TTC39B: variants seen among roughly 807,000 people sequenced by gnomAD.
The protein encoded by TTC39B is tetratricopeptide repeat protein 39B.
A neutral mutation model predicts 96.6 loss-of-function variants in TTC39B; 92 were observed. The ratio of observed to expected loss-of-function variants is 0.95; its 90% CI spans 0.80 to 1.13. The LOEUF (loss-of-function observed/expected upper bound fraction) is 1.13. Ranked by LOEUF, TTC39B falls within the 50% of genes most tolerant of loss-of-function variation. The pLI is 0.00. For synonymous variants in TTC39B, 367 were observed against 299.4 expected (o/e 1.23, Z -2.33); for missense variants, 955 against 809.3 (o/e 1.18, Z -2.18).
chr9:15,167,024 ATATATTTTTTTTTTT>A (rs1817541238), exon 20 of TTC39B: 11 of 11,628 alleles, frequency 9.5e-4, no homozygotes, highest in Non-Finnish European at 1.4e-3. Context: ...ATATATATAT[ATATATTTTTTTTTTT>A]TTTTTTTTTT....
chr9:15,168,448 T>G (rs951952914), exon 20 of TTC39B: 1 of 141,968 alleles, frequency 7.0e-6, no homozygotes, highest in Non-Finnish European at 1.5e-5. Flanking sequence ...TGGAGGGAAA[T>G]GAATGAAGCA....
At chr9:15,260,898 C>T (rs1241384422) in intron 2 of TTC39B, among the ~76,000 whole-genome samples, 1 of 152,138 alleles carries the variant, frequency 6.6e-6, no homozygotes, top group Non-Finnish European at 1.5e-5. Flanking sequence ...ACATACATCC[C>T]CACTGTATTC....
chr9:15,181,882 A>G (rs1818266982), intron 17 of TTC39B, among the ~76,000 whole-genome samples: 1 of 152,154 alleles, frequency 6.6e-6, no homozygotes, highest in Non-Finnish European at 1.5e-5. Flanking sequence ...AATGGTTTTT[A>G]GGATATTCAC....
rs552051612 is a variant in TTC39B at position 15,211,496 on chromosome 9, T to C, written c.483-99A>G. 4 of 1,086,326 alleles carry C rather than the reference T, an allele frequency of 3.7e-6. No homozygotes were observed. The South Asian group carries it at 1.3e-4, about 35-fold the overall frequency. 67.3% of individuals were successfully genotyped at this position (1,086,326 alleles called of 1,614,324 possible). A position where few individuals can be genotyped will look rare whatever the true frequency, so the allele number is the denominator to read the frequency against. ...ATGTCCTGACTTGCACAGTAACCTT[T>C]ATTCCTTCACCATAATCACTGAAAT... On this transcript the variant is annotated intron_variant, in intron 4 of 19. Coordinates refer to ENST00000512701, the Ensembl canonical transcript of TTC39B.
Position 15,175,149 on chromosome 9 carries a change from G to A in TTC39B, c.1842-14C>T. ...AGTAGCTTTTCACTGAAAGAGCAGAGGAAAATCAAGTAAATCTTAACAGAA... is the reference window on the plus strand; with the variant it reads ...AGTAGCTTTTCACTGAAAGAGCAGAAGAAAATCAAGTAAATCTTAACAGAA... On this transcript the variant is annotated splice_polypyrimidine_tract_variant and intron_variant, in intron 18 of 19. Coordinates refer to ENST00000512701, the Ensembl canonical transcript of TTC39B. 1.3e-6 allele frequency: 2 copies of A among 1,529,208 alleles called. No homozygotes were observed. Among genetic ancestry groups the A allele is most frequent in the Non-Finnish European group, 1.8e-6 (2 of 1,105,210 alleles). The allele number at this position is 1,529,208 out of a possible 1,614,324, so 94.7% of individuals were successfully genotyped here.
chr9:15,221,466 T>C (rs1033824774), intron 3 of TTC39B, among the ~76,000 whole-genome samples: 17 of 152,224 alleles, frequency 1.1e-4, no homozygotes, highest in Non-Finnish European at 2.4e-4. Context: ...ACAAGCCCTG[T>C]CCTTTTTTTC....
intron 8 of TTC39B, among the ~76,000 whole-genome samples, chr9:15,193,520 A>G (rs1818977676): frequency 6.6e-6 from 1 of 152,208 alleles, no homozygotes; most frequent in South Asian, 2.1e-4. Context: ...GAATCTAGCA[A>G]GCCTATAGAC....
chr9:15,264,882 T>G (rs1422358742), intron 2 of TTC39B, among the ~76,000 whole-genome samples: 1 of 152,108 alleles, frequency 6.6e-6, no homozygotes, highest in Non-Finnish European at 1.5e-5. Flanking sequence ...TTTTGGATGA[T>G]GTTCTGAGAA....
At chr9:15,297,394 G>C (rs1824420034) in intron 1 of TTC39B, among the ~76,000 whole-genome samples, 1 of 152,196 alleles carries the variant, frequency 6.6e-6, no homozygotes, top group South Asian at 2.1e-4. Context: ...CTTGCTCTAA[G>C]TCACACAGCT....
chr9:15,206,250 C>T (rs1291701298), intron 6 of TTC39B, among the ~76,000 whole-genome samples: 2 of 151,870 alleles, frequency 1.3e-5, no homozygotes, highest in African/African-American at 4.9e-5. Context: ...CCGCCAGCCA[C>T]AAGAGAAAAG....
chr9:15,230,056 T>A (rs954541457), intron 2 of TTC39B, among the ~76,000 whole-genome samples: 16 of 152,244 alleles, frequency 1.1e-4, no homozygotes, highest in African/African-American at 3.9e-4. Flanking sequence ...AGGCTTTTAA[T>A]ATCTGAACAC....
At chr9:15,185,499 C>CCAGCAGCAG (rs549431562) in intron 15 of TTC39B, 93 bp from the exon 16 acceptor site, 2 of 1,555,070 alleles carry the variant, frequency 1.3e-6, no homozygotes, top group South Asian at 1.2e-5. Flanking sequence ...TCACAGACCA[C>CCAGCAGCAG]CAGCAGCAGC....
chr9:15,267,790 C>G, intron 2 of TTC39B, 124 bp downstream of exon 2: 1 of 749,840 alleles, frequency 1.3e-6, no homozygotes, highest in Non-Finnish European at 2.1e-6. Flanking sequence ...AGAAAAGTGA[C>G]TTTTTTTTTC....
intron 5 of TTC39B, 152 bp downstream of exon 5, chr9:15,211,114 A>G: frequency 2.3e-6 from 2 of 852,800 alleles, no homozygotes; most frequent in Non-Finnish European, 3.3e-6. Context: ...TAGATGCCAA[A>G]TGGGAATCCT....
At chr9:15,201,959 A>G (rs1819567542) in intron 7 of TTC39B, among the ~76,000 whole-genome samples, 1 of 152,202 alleles carries the variant, frequency 6.6e-6, no homozygotes, top group Admixed American at 6.5e-5. Context: ...AATGAGCTGA[A>G]GGTAAAAGAA....
intron 4 of TTC39B, among the ~76,000 whole-genome samples, 173 bp from the exon 5 acceptor site, chr9:15,211,570 T>C (rs78975379): frequency 0.062 from 9,407 of 152,252 alleles, 330 homozygotes; most frequent in Non-Finnish European, 0.07. Flanking sequence ...TACCAAGGAC[T>C]TTCCAATGTA....
chr9:15,240,968 T>C (rs925507112), intron 2 of TTC39B, among the ~76,000 whole-genome samples: 2 of 152,230 alleles, frequency 1.3e-5, no homozygotes, highest in Admixed American at 6.5e-5. Context: ...TTCATGCATC[T>C]ACCTTTGCTA....
intron 2 of TTC39B, among the ~76,000 whole-genome samples, chr9:15,239,863 A>G (rs1456453720): frequency 1.3e-5 from 2 of 152,242 alleles, no homozygotes; most frequent in African/African-American, 4.8e-5. Context: ...CCATTATGCA[A>G]TATACCCATG....
intron 2 of TTC39B, among the ~76,000 whole-genome samples, chr9:15,248,411 A>G (rs1022536721): frequency 2.0e-5 from 3 of 151,764 alleles, no homozygotes; most frequent in African/African-American, 7.3e-5. Flanking sequence ...TATGTCCTAT[A>G]TGTTTGGCCA....
Sources: allele counts gnomAD v4.1 joint callset (sites outside exome capture counted in the v4.1 genomes callset), GRCh38; gene constraint gnomAD v4.1.1; transcripts MANE v1.5; gene names NCBI Gene and HGNC (gene_info 2026-07-23, HGNC 2026-07-21).